LRGUK: variants seen among roughly 807,000 people sequenced by gnomAD.
LRGUK encodes the protein leucine-rich repeat and guanylate kinase domain-containing protein.
A neutral mutation model predicts 76.0 loss-of-function variants in LRGUK; 65 were observed. The ratio of observed to expected loss-of-function variants is 0.85; its 90% CI spans 0.70 to 1.05. LRGUK has a LOEUF of 1.05. Among genes scored for constraint, LRGUK ranks in the 50% least tolerant of loss-of-function variants. The pLI is 0.00. For missense variants in LRGUK, 758 were observed against 732.8 expected, an observed-to-expected ratio of 1.03 and a Z score of -0.40; for synonymous variants, 268 against 265.6, an observed-to-expected ratio of 1.01 and a Z score of -0.09.
intron 15 of LRGUK, among the ~76,000 whole-genome samples, chr7:134,204,474 A>G (rs1800920304): frequency 6.6e-6 from 1 of 152,254 alleles, no homozygotes; most frequent in Non-Finnish European, 1.5e-5. Flanking sequence ...ATAGAATTCC[A>G]ACTGTAAAAG....
At chr7:134,272,616 C>A in the LRGUK span, among the ~76,000 whole-genome samples, 1 of 152,056 alleles carries the variant, frequency 6.6e-6, no homozygotes, top group Admixed American at 6.6e-5. Flanking sequence ...CAGGTACATC[C>A]CATTATTAAG....
At chr7:134,207,327 C>T (rs1053249368) in intron 15 of LRGUK, among the ~76,000 whole-genome samples, 6 of 152,222 alleles carry the variant, frequency 3.9e-5, no homozygotes, top group Admixed American at 2.0e-4. Context: ...CTCCCCTCAA[C>T]TCCTGGTAAC....
chr7:134,139,385 G>A (rs1797670162), intron 2 of LRGUK, 51 bp from the exon 3 acceptor site: 1 of 1,186,182 alleles, frequency 8.4e-7, no homozygotes, highest in Non-Finnish European at 1.2e-6. Flanking sequence ...AGAAGGCTGA[G>A]TAGTAACCTG....
In LRGUK at chr7:134,209,522, C is replaced by T. The variant is rs542865254; in HGVS notation, c.2659C>T (p.Leu887Phe). 18 of 399,248 alleles carry T rather than the reference C, an allele frequency of 4.5e-5. No individual in the cohort carries two copies. In the East Asian group the frequency reaches 6.4e-4, roughly 14 times the overall value. The allele number at this position is 399,248 out of a possible 1,614,324, so 24.7% of individuals were successfully genotyped here. Reference sequence around the variant, plus strand: ...GGCCAGGGGAGCCCCGGGGACCTTGCTTCCTAGAAGCCGGCTGGCTCCCAC... The same window carrying T: ...GGCCAGGGGAGCCCCGGGGACCTTGTTTCCTAGAAGCCGGCTGGCTCCCAC... The change falls in exon 16 of 16, where the codon CTT becomes TTT. Residue 887 changes from leucine to phenylalanine, a missense_variant. Leu to Phe is a conservative substitution (Grantham distance 22, BLOSUM62 0). Coordinates refer to ENST00000645682, the Ensembl canonical transcript of LRGUK.
intron 16 of LRGUK, among the ~76,000 whole-genome samples, chr7:134,222,912 C>G (rs1218321627): frequency 6.6e-6 from 1 of 151,996 alleles, no homozygotes; most frequent in Non-Finnish European, 1.5e-5. Context: ...ATAGCCTGTT[C>G]TAAACAAATA....
chr7:134,230,289 A>G (rs1425255441), intron 16 of LRGUK, among the ~76,000 whole-genome samples: 1 of 152,208 alleles, frequency 6.6e-6, no homozygotes, highest in Non-Finnish European at 1.5e-5. Flanking sequence ...GGGAAATGCA[A>G]AATATAATCG....
At chr7:134,254,408 C>T (rs979361550) in intron 18 of LRGUK, among the ~76,000 whole-genome samples, 1 of 152,312 alleles carries the variant, frequency 6.6e-6, no homozygotes, top group South Asian at 2.1e-4. Context: ...TGATAGACAA[C>T]ACACATTTAT....
At chr7:134,270,654 C>A in the LRGUK span, among the ~76,000 whole-genome samples, 1 of 152,018 alleles carries the variant, frequency 6.6e-6, no homozygotes, top group East Asian at 1.9e-4. Flanking sequence ...CAGCAATTAA[C>A]TTTTTTCTCA....
chr7:134,147,475 G>C, intron 4 of LRGUK, among the ~76,000 whole-genome samples: 1 of 151,606 alleles, frequency 6.6e-6, no homozygotes, highest in East Asian at 1.9e-4. Flanking sequence ...AGAGTAGCAT[G>C]GGACAATATA....
At position 134,209,279 on chromosome 7, in the gene LRGUK, C is replaced by T; in HGVS notation, c.2416C>T (p.Gln806Ter). The T allele has an allele frequency of 2.5e-6, 1 of 399,316 alleles. No homozygotes were observed. Among genetic ancestry groups the T allele is most frequent in the Non-Finnish European group, 4.4e-6 (1 of 226,336 alleles). 24.7% of individuals were successfully genotyped at this position (399,316 alleles called of 1,614,324 possible). A position where few individuals can be genotyped will look rare whatever the true frequency, so the allele number is the denominator to read the frequency against. ...CACTCCCCTCAGCCCTCAGAGAATTCAGGATGAGGAAATTGAGTCAGACAA... is the reference window on the plus strand; with the variant it reads ...CACTCCCCTCAGCCCTCAGAGAATTTAGGATGAGGAAATTGAGTCAGACAA... Residue 806 changes from glutamine to a stop codon, truncating the protein, a stop_gained, in exon 16 of 16, where the codon CAG (glutamine) becomes TAG (stop). Coordinates refer to ENST00000645682, the Ensembl canonical transcript of LRGUK. LOFTEE classifies it low-confidence loss of function (END_TRUNC).
rs184706699 is a variant in LRGUK, at chr7:134,258,529, C to T, written c.2347+124C>T. On this transcript the variant is annotated intron_variant, in intron 19 of 19. Coordinates refer to the LRGUK transcript ENST00000285928. ...CCTGGCCAAAATTGTGAAACCCCAT[C>T]TCTACTAAAAATACAAAAAATTGGC... is the stretch of plus-strand genomic sequence containing the variant. 181 of 869,834 alleles carry T rather than the reference C, an allele frequency of 2.1e-4. No individual in the cohort carries two copies. In the East Asian group the frequency reaches 4.0e-3, roughly 19 times the overall value. 53.9% of individuals were successfully genotyped at this position (869,834 alleles called of 1,614,324 possible). A position where few individuals can be genotyped will look rare whatever the true frequency, so the allele number is the denominator to read the frequency against.
intron 16 of LRGUK, among the ~76,000 whole-genome samples, chr7:134,233,980 G>A (rs1437170187): frequency 2.0e-5 from 3 of 152,062 alleles, no homozygotes; most frequent in Non-Finnish European, 2.9e-5. Flanking sequence ...TTTTTGCAAT[G>A]TATTTTTTTA....
intron 12 of LRGUK, among the ~76,000 whole-genome samples, chr7:134,193,771 G>A (rs373379817): frequency 9.7e-4 from 148 of 152,146 alleles, no homozygotes; most frequent in Non-Finnish European, 1.9e-3. Context: ...TCAGCCTTCT[G>A]TTCACAGAAC....
intron 9 of LRGUK, among the ~76,000 whole-genome samples, chr7:134,177,904 G>C (rs1040586048): frequency 1.3e-5 from 2 of 152,184 alleles, no homozygotes; most frequent in Non-Finnish European, 2.9e-5. Flanking sequence ...TATGGCATAT[G>C]ATAGATGAGG....
At chr7:134,159,063 C>G (rs1798610120) in intron 6 of LRGUK, among the ~76,000 whole-genome samples, 1 of 152,080 alleles carries the variant, frequency 6.6e-6, no homozygotes, top group South Asian at 2.1e-4. Flanking sequence ...TTGGGCCATG[C>G]ACTGCAACTC....
In LRGUK at chr7:134,221,860, C is replaced by T. The variant is rs780895561; in HGVS notation, c.1925C>T (p.Thr642Ile). The T allele has an allele frequency of 3.2e-5, 52 of 1,601,168 alleles. No individual in the cohort carries two copies. Among genetic ancestry groups the T allele is most frequent in the Non-Finnish European group, 4.3e-5 (51 of 1,174,914 alleles). The change falls in exon 16 of 20, where the codon ACA becomes ATA. Residue 642 changes from threonine to isoleucine, a missense_variant. Thr to Ile is a moderately conservative substitution (Grantham distance 89). Transcript: ENST00000285928. Reference sequence around the variant, plus strand: ...AATATGGGTGATTTCCTGCATTCTACAGACAGAAACTACCTCATTAAATTT... The same window carrying T: ...AATATGGGTGATTTCCTGCATTCTATAGACAGAAACTACCTCATTAAATTT...
chr7:134,193,198 C>G (rs1031404376), intron 12 of LRGUK, among the ~76,000 whole-genome samples: 1 of 152,156 alleles, frequency 6.6e-6, no homozygotes, highest in African/African-American at 2.4e-5. Flanking sequence ...ATAATTTTCT[C>G]TCCTAGGGCT....
the LRGUK span, among the ~76,000 whole-genome samples, chr7:134,276,025 T>C: frequency 6.6e-6 from 1 of 152,194 alleles, no homozygotes; most frequent in South Asian, 2.1e-4. Flanking sequence ...AGACTCATGG[T>C]GACCCTAAGA....
intron 2 of LRGUK, among the ~76,000 whole-genome samples, chr7:134,138,707 G>A (rs1347597716): frequency 6.6e-6 from 1 of 152,074 alleles, no homozygotes; most frequent in Non-Finnish European, 1.5e-5. Flanking sequence ...CCGCCATCAC[G>A]ACATAAAACA....
Sources: allele counts gnomAD v4.1 joint callset (sites outside exome capture counted in the v4.1 genomes callset), GRCh38; gene constraint gnomAD v4.1.1; transcripts MANE v1.5; gene names NCBI Gene and HGNC (gene_info 2026-07-23, HGNC 2026-07-21).